The following PLD1 variants were observed in gnomAD, a reference collection of about 807,000 sequenced individuals.
PLD1 encodes the protein choline phosphatase 1.
Under a neutral mutation model 137.1 loss-of-function variants are expected in PLD1, and 112 were observed. That is an observed-to-expected ratio of 0.82 (90% CI 0.70 to 0.96). The LOEUF (loss-of-function observed/expected upper bound fraction) is 0.96, where lower values mean the gene tolerates loss of function less well. PLD1 is among the 40% of genes least tolerant of loss of function. The pLI is 0.00. For missense variants in PLD1, 1,321 were observed against 1,342.0 expected, an observed-to-expected ratio of 0.98 and a Z score of 0.24; for synonymous variants, 431 against 454.7, an observed-to-expected ratio of 0.95 and a Z score of 0.66.
At chr3:171,759,480 C>T (rs867553640) in intron 1 of PLD1, among the ~76,000 whole-genome samples, 1 of 152,054 alleles carries the variant, frequency 6.6e-6, no homozygotes, top group Non-Finnish European at 1.5e-5. Context: ...TTCCAGAATA[C>T]ATTCTCTCAA....
rs1483700486 is a variant in PLD1, at chr3:171,726,070, ACT to A, written c.611_612del (p.Glu204ValfsTer3). 5 of 1,611,748 alleles carry A rather than the reference ACT, an allele frequency of 3.1e-6. No individual in the cohort carries two copies. Among genetic ancestry groups the A allele is most frequent in the Admixed American group, 1.7e-5 (1 of 59,986 alleles). The part of the protein sequence containing the change: ...PMYRNYHATT[E>X]FLDISQLSFI... ...AAAGACAGCTGGCTTATATCAAGAA[ACT>A]CTGTCTGAAAAGAAGCAAAAAATCC... On this transcript the variant is annotated frameshift_variant, in exon 7 of 27. Coordinates refer to ENST00000351298, the MANE Select transcript of PLD1 (RefSeq NM_002662.5). LOFTEE classifies it high-confidence loss of function.
At chr3:171,782,371 T>C (rs1722828738) in intron 1 of PLD1, among the ~76,000 whole-genome samples, 1 of 152,192 alleles carries the variant, frequency 6.6e-6, no homozygotes, top group Non-Finnish European at 1.5e-5. Flanking sequence ...AATGGTACAC[T>C]AAAGATTTGA....
intron 8 of PLD1, among the ~76,000 whole-genome samples, chr3:171,720,894 A>C (rs1718081298): frequency 6.6e-6 from 1 of 152,214 alleles, no homozygotes; most frequent in African/African-American, 2.4e-5. Flanking sequence ...GCTTCTCATA[A>C]GGGTTAAATC....
At position 171,688,797 on chromosome 3, in the gene PLD1, G is replaced by T. The variant is rs1373200099; in HGVS notation, c.1418C>A (p.Ser473Ter). The change falls in exon 14 of 27, where the codon TCG becomes TAG. Residue 473 changes from serine to a stop codon, truncating the protein, a stop_gained. Transcript: ENST00000351298. LOFTEE classifies it high-confidence loss of function. The stretch of plus-strand genomic sequence containing the variant: ...GTCAATCCCTCCCACAAAGGCCACC[G>T]ATTGGTCAATGATGACAAGCTTCTC... ...HHEKLVIIDQ[S>*]VAFVGGIDLA... 6.2e-7 allele frequency: 1 copy of T among 1,613,956 alleles called. No homozygotes were observed. Among genetic ancestry groups the T allele is most frequent in the Non-Finnish European group, 8.5e-7 (1 of 1,179,898 alleles).
At chr3:171,657,042 A>T (rs1350397740) in intron 21 of PLD1, among the ~76,000 whole-genome samples, 1 of 152,188 alleles carries the variant, frequency 6.6e-6, no homozygotes, top group Non-Finnish European at 1.5e-5. Context: ...GAGGGGAAGC[A>T]TTGGGTTGAA....
chr3:171,666,722 T>C (rs1394872832), intron 19 of PLD1, among the ~76,000 whole-genome samples: 1 of 152,232 alleles, frequency 6.6e-6, no homozygotes, highest in East Asian at 1.9e-4. Context: ...TGCAAAAATA[T>C]AGCTTATCTT....
chr3:171,726,884 G>C (rs1029145911), intron 6 of PLD1, among the ~76,000 whole-genome samples: 1 of 152,078 alleles, frequency 6.6e-6, no homozygotes, highest in Non-Finnish European at 1.5e-5. Flanking sequence ...TTAGTGTAAG[G>C]GTAAGCAAAT....
rs752768745 is a variant in PLD1 at position 171,734,894 on chromosome 3, T to C, written c.511A>G (p.Ile171Val). ...CTACCAAGGAATTGTTCTTCTCTTATCATGTTTTCAGATGAACGGGGCAAA... is the reference window on the plus strand; with the variant it reads ...CTACCAAGGAATTGTTCTTCTCTTACCATGTTTTCAGATGAACGGGGCAAA... ...PSLPRSSENMIREEQFLGRRK... is the reference protein window; with the variant it reads ...PSLPRSSENMVREEQFLGRRK... The change falls in exon 5 of 27, where the codon ATA becomes GTA. Residue 171 changes from isoleucine (I) to valine (V), a missense_variant. By Grantham distance (29) the Ile-to-Val change is conservative. Coordinates refer to ENST00000351298, the MANE Select transcript of PLD1 (RefSeq NM_002662.5). 6 of 1,611,798 alleles carry C rather than the reference T, an allele frequency of 3.7e-6. No homozygotes were observed. Among genetic ancestry groups the C allele is most frequent in the Admixed American group, 1.7e-5 (1 of 60,018 alleles).
intron 16 of PLD1, among the ~76,000 whole-genome samples, chr3:171,679,303 AT>A (rs1302354535): frequency 7.2e-5 from 11 of 152,238 alleles, no homozygotes; most frequent in Admixed American, 1.3e-4. Context: ...AAGAAAAATG[AT>A]TTAAAATGCC....
chr3:171,697,008 A>C (rs1336830849), intron 12 of PLD1, among the ~76,000 whole-genome samples: 1 of 152,148 alleles, frequency 6.6e-6, no homozygotes, highest in Non-Finnish European at 1.5e-5. Context: ...GACACAGAAA[A>C]GGTAACCAGA....
intron 16 of PLD1, among the ~76,000 whole-genome samples, chr3:171,683,715 C>G (rs1472927910): frequency 1.3e-5 from 2 of 152,212 alleles, no homozygotes; most frequent in Non-Finnish European, 2.9e-5. Flanking sequence ...GTGTTTGACT[C>G]TCTATTTGTA....
intron 1 of PLD1, among the ~76,000 whole-genome samples, chr3:171,763,397 T>C (rs1721541911): frequency 6.9e-6 from 1 of 145,934 alleles, no homozygotes; most frequent in Non-Finnish European, 1.5e-5. Flanking sequence ...CACTCCAGCC[T>C]GGGCAAAAGA....
intron 12 of PLD1, among the ~76,000 whole-genome samples, chr3:171,699,015 A>G (rs1716013601): frequency 6.6e-6 from 1 of 151,506 alleles, no homozygotes; most frequent in African/African-American, 2.4e-5. Flanking sequence ...GTTTCTGATA[A>G]TAGCAAAAAG....
At chr3:171,746,173 G>T (rs149877575) in intron 1 of PLD1, among the ~76,000 whole-genome samples, 1 of 152,172 alleles carries the variant, frequency 6.6e-6, no homozygotes, top group African/African-American at 2.4e-5. Flanking sequence ...TCCCCTCCGC[G>T]GGCTCCCGCA....
intron 1 of PLD1, chr3:171,792,443 G>C (rs771654165): frequency 2.7e-6 from 1 of 374,264 alleles, no homozygotes; most frequent in African/African-American, 2.1e-5. Context: ...GATGGATCAG[G>C]GGCCCCTGGC....
At chr3:171,699,974 AG>A in intron 11 of PLD1, 148 bp from the exon 12 acceptor site, 1 of 662,878 alleles carries the variant, frequency 1.5e-6, no homozygotes, top group South Asian at 1.9e-5. Flanking sequence ...CTATGAGTCT[AG>A]GAACAACTTC....
At chr3:171,763,452 G>A (rs1224519717) in intron 1 of PLD1, among the ~76,000 whole-genome samples, 3 of 21,102 alleles carry the variant, frequency 1.4e-4, no homozygotes, top group Non-Finnish European at 3.3e-4. Context: ...AGAGAAAGAG[G>A]AGGGGAGGGG....
chr3:171,704,457 G>GAAAAAAAAAAAAAAAAAAA (rs1362665761), intron 11 of PLD1, among the ~76,000 whole-genome samples: 3 of 98,180 alleles, frequency 3.1e-5, no homozygotes, highest in Admixed American at 1.1e-4. Context: ...CAAAGAACCA[G>GAAAAAAAAAAAAAAAAAAA]GAAAAAAAAA....
Position 171,603,212 on chromosome 3 carries a change from T to G in PLD1, c.3091A>C (p.Ile1031Leu), listed in dbSNP as rs1167922074. 9 of 1,613,970 alleles carry G rather than the reference T, an allele frequency of 5.6e-6. No individual in the cohort carries two copies. The Admixed American group carries it at 1.2e-4, about 21-fold the overall frequency. The change falls in exon 27 of 27, where the codon ATT (isoleucine) becomes CTT (leucine). Residue 1031 changes from isoleucine to leucine, a missense_variant. Ile to Leu is a conservative substitution (Grantham distance 5). Transcript: ENST00000351298. ...NKPVLAKEDPIRAEEELKKIR... is the reference protein window; with the variant it reads ...NKPVLAKEDPLRAEEELKKIR... ...TTCTTCAGTTCCTCCTCAGCTCGAA[T>G]GGGATCTTCCTTAGCTAATACGGGC... is the stretch of plus-strand genomic sequence containing the variant.
Sources: gnomAD v4.1 joint callset for allele counts (sites outside exome capture counted in the v4.1 genomes callset) on GRCh38, gnomAD v4.1.1 for gene constraint, MANE v1.5 for transcripts, NCBI Gene and HGNC (gene_info 2026-07-23, HGNC 2026-07-21) for gene names.